The following FHIT variants were observed in gnomAD, a reference collection of about 807,000 sequenced individuals.
FHIT encodes fragile histidine triad diadenosine triphosphatase.
FHIT carries 19 observed loss-of-function variants against 17.9 expected under a neutral mutation model. The observed-to-expected ratio is 1.06, with a 90% CI of 0.74 to 1.56. The LOEUF is 1.56. FHIT is among the 40% of genes most tolerant of loss of function. The pLI, the probability that FHIT is intolerant of heterozygous loss-of-function variation, is 0.00. For missense variants in FHIT, 248 were observed against 189.2 expected, an observed-to-expected ratio of 1.31 and a Z score of -1.82; for synonymous variants, 81 against 69.7, an observed-to-expected ratio of 1.16 and a Z score of -0.81.
intron 3 of FHIT, among the ~76,000 whole-genome samples, chr3:60,999,786 T>C (rs1310294761): frequency 6.6e-6 from 1 of 152,046 alleles, no homozygotes; most frequent in African/African-American, 2.4e-5. Flanking sequence ...CCTTAGCGCA[T>C]TCTGGCAGTT....
At chr3:60,451,965 C>T (rs921167614) in intron 5 of FHIT, among the ~76,000 whole-genome samples, 1 of 152,106 alleles carries the variant, frequency 6.6e-6, no homozygotes, top group African/African-American at 2.4e-5. Flanking sequence ...ATCTCAAATC[C>T]GAGCCACAAT....
intron 2 of FHIT, among the ~76,000 whole-genome samples, chr3:61,132,546 G>A (rs1027825507): frequency 1.3e-5 from 2 of 152,196 alleles, no homozygotes; most frequent in Non-Finnish European, 2.9e-5. Context: ...TGCCGATAAG[G>A]AGTGAGGGAA....
At chr3:60,273,047 C>T (rs1467346285) in intron 5 of FHIT, among the ~76,000 whole-genome samples, 1 of 152,156 alleles carries the variant, frequency 6.6e-6, no homozygotes, top group Admixed American at 6.5e-5. Flanking sequence ...AAAAACTACA[C>T]ATATCAGACC....
At chr3:60,987,613 T>C (rs961174536) in intron 3 of FHIT, among the ~76,000 whole-genome samples, 3 of 152,200 alleles carry the variant, frequency 2.0e-5, no homozygotes, top group Admixed American at 2.0e-4. Context: ...AGACCCCTGA[T>C]TTCCCACTTC....
chr3:59,873,414 C>T (rs1337820261), intron 8 of FHIT, among the ~76,000 whole-genome samples: 3 of 152,210 alleles, frequency 2.0e-5, no homozygotes, highest in African/African-American at 7.2e-5. Context: ...CACTTCCCTG[C>T]TCATGAGCCT....
intron 3 of FHIT, among the ~76,000 whole-genome samples, chr3:60,979,792 C>G (rs554190800): frequency 6.6e-6 from 1 of 152,334 alleles, no homozygotes; most frequent in African/African-American, 2.4e-5. Context: ...TGTTCTCTCT[C>G]CTGCAAGCTG....
At position 60,604,780 on chromosome 3, in the gene FHIT, A is replaced by G. The variant is rs181720095; in HGVS notation, c.-17-67801T>C. On this transcript the variant is annotated intron_variant, in intron 4 of 9. Transcript: ENST00000492590. ...CCCTCTCACTTACTATTGCCCAGGA[A>G]TCTTGGATCTCTTCAGAATAGTGGG... 9.6e-4 allele frequency among the ~76,000 whole-genome samples: 146 copies of G among 152,276 alleles called. 1 individual carries two copies. The highest frequency in any genetic ancestry group is 3.4e-3 in the African/African-American group (143 of 41,572).
intron 7 of FHIT, among the ~76,000 whole-genome samples, chr3:59,975,716 C>A (rs1003295474): frequency 2.0e-5 from 3 of 152,106 alleles, no homozygotes; most frequent in Non-Finnish European, 4.4e-5. Flanking sequence ...AAAGACTCAT[C>A]CTGGAGAACT....
intron 3 of FHIT, among the ~76,000 whole-genome samples, chr3:61,036,162 C>T (rs537605673): frequency 3.9e-5 from 6 of 152,184 alleles, no homozygotes; most frequent in Admixed American, 6.5e-5. Context: ...TGGCAGAAGG[C>T]GAAATAGTAG....
chr3:59,845,083 A>G (rs1215796761), intron 8 of FHIT, among the ~76,000 whole-genome samples: 1 of 152,104 alleles, frequency 6.6e-6, no homozygotes, highest in Admixed American at 6.6e-5. Context: ...GCAATTGTTT[A>G]TATTACTTGC....
chr3:61,001,889 T>C (rs1189033537), intron 3 of FHIT, among the ~76,000 whole-genome samples: 1 of 152,204 alleles, frequency 6.6e-6, no homozygotes, highest in East Asian at 1.9e-4. Flanking sequence ...TTTTATATTG[T>C]CCTCTAGTTA....
intron 4 of FHIT, among the ~76,000 whole-genome samples, chr3:60,610,526 T>C (rs1220598369): frequency 2.0e-5 from 3 of 152,160 alleles, no homozygotes; most frequent in African/African-American, 7.2e-5. Context: ...ATGGGTGCGA[T>C]AGGTTCCAAA....
intron 4 of FHIT, among the ~76,000 whole-genome samples, chr3:60,776,441 C>T: frequency 6.6e-6 from 1 of 152,150 alleles, no homozygotes; most frequent in East Asian, 1.9e-4. Flanking sequence ...GAAATAGAAA[C>T]AGTCTTAAAA....
At chr3:60,337,702 T>C (rs1710311158) in intron 5 of FHIT, among the ~76,000 whole-genome samples, 1 of 152,162 alleles carries the variant, frequency 6.6e-6, no homozygotes, top group Non-Finnish European at 1.5e-5. Flanking sequence ...GTTATGATCC[T>C]GGGAGAGAGT....
intron 4 of FHIT, among the ~76,000 whole-genome samples, chr3:60,749,426 G>A (rs151233151): frequency 6.6e-6 from 1 of 152,124 alleles, no homozygotes; most frequent in Non-Finnish European, 1.5e-5. Flanking sequence ...CAACTCTCCA[G>A]CTCCAAAGGC....
intron 8 of FHIT, among the ~76,000 whole-genome samples, chr3:59,780,258 C>T (rs1702517427): frequency 6.6e-6 from 1 of 152,104 alleles, no homozygotes; most frequent in Non-Finnish European, 1.5e-5. Flanking sequence ...AGTTCCAGCT[C>T]AGCTTAGGGT....
intron 4 of FHIT, among the ~76,000 whole-genome samples, chr3:60,563,263 T>C (rs918800437): frequency 1.3e-5 from 2 of 152,156 alleles, no homozygotes; most frequent in African/African-American, 4.8e-5. Context: ...TAATACTTAC[T>C]GATGAATAGA....
At chr3:60,924,623 A>T (rs1219552343) in intron 3 of FHIT, among the ~76,000 whole-genome samples, 4 of 152,172 alleles carry the variant, frequency 2.6e-5, no homozygotes, top group Non-Finnish European at 5.9e-5. Flanking sequence ...CAGAGCAGAA[A>T]AACTGGAAAC....
At chr3:59,847,131 G>T (rs1701751614) in intron 8 of FHIT, among the ~76,000 whole-genome samples, 1 of 151,932 alleles carries the variant, frequency 6.6e-6, no homozygotes, top group Non-Finnish European at 1.5e-5. Context: ...AACAAATTTG[G>T]GAAGTTTTTA....
Sources: allele counts gnomAD v4.1 joint callset (sites outside exome capture counted in the v4.1 genomes callset), GRCh38; gene constraint gnomAD v4.1.1; transcripts MANE v1.5; gene names NCBI Gene and HGNC (gene_info 2026-07-23, HGNC 2026-07-21).